Variants in RNF17 observed in about 807,000 individuals in gnomAD.
RNF17 encodes the protein ring finger protein 17.
In RNF17, 31 loss-of-function variants were observed where a neutral mutation model predicts 200.5. The observed-to-expected ratio is 0.15, with a 90% CI of 0.12 to 0.21. The LOEUF (loss-of-function observed/expected upper bound fraction) is 0.21. RNF17 is among the 10% of genes least tolerant of loss of function. The pLI, the probability that RNF17 is intolerant of heterozygous loss-of-function variation, is 1.00. For missense variants in RNF17, 1,628 were observed against 1,905.1 expected (o/e 0.85, Z 2.71); for synonymous variants, 606 against 637.8 (o/e 0.95, Z 0.75).
chr13:24,831,960 A>G lies in RNF17; in HGVS notation c.2464A>G (p.Met822Val), dbSNP rs2138032348. 6.3e-7 allele frequency: 1 copy of G among 1,585,936 alleles called. No homozygotes were observed. Among genetic ancestry groups the G allele is most frequent in the South Asian group, 1.1e-5 (1 of 88,582 alleles). Residue 822 changes from methionine (M) to valine (V), a missense_variant, in exon 18 of 36, where the codon ATG becomes GTG. Met to Val is a conservative substitution (Grantham distance 21). Around this residue, in one of 5 missense-constraint regions of RNF17, gnomAD observed 227 missense variants for 319.8 expected, o/e 0.71. Coordinates refer to ENST00000255324, the MANE Select transcript of RNF17 (RefSeq NM_031277.3). ...TGAAGAAAAGGCTCAAGATAAATTT[A>G]TGACATGTTCAGTTATCAGTAAGTT... ...KFEEKAQDKF[M>V]TCSVIKILED...
chr13:24,757,894 A>G, the RNF17 span, among the ~76,000 whole-genome samples: 3 of 152,020 alleles, frequency 2.0e-5, no homozygotes, highest in South Asian at 2.1e-4. Context: ...GTAATCCCCA[A>G]TGTTGGAGGT....
At chr13:24,878,979 T>TG (rs1895150629) in intron 34 of RNF17, among the ~76,000 whole-genome samples, 1 of 152,034 alleles carries the variant, frequency 6.6e-6, no homozygotes, top group Admixed American at 6.5e-5. Flanking sequence ...AGGAAGACCT[T>TG]GTGAGAAGGA....
rs988275025 is a variant in RNF17, at chr13:24,842,058, G to A, written c.2500G>A (p.Val834Met). 1.8e-5 allele frequency: 29 copies of A among 1,607,340 alleles called. No homozygotes were observed. Among genetic ancestry groups the A allele is most frequent in the Non-Finnish European group, 2.3e-5 (27 of 1,177,550 alleles). The part of the protein sequence containing the change: ...CSVIKILEDN[V>M]LLVELFDSLG... Reference sequence around the variant, plus strand: ...TTTTACAGAAATTCTGGAAGATAATGTGCTCTTAGTTGAGCTTTTCGATTC... The same window carrying A: ...TTTTACAGAAATTCTGGAAGATAATATGCTCTTAGTTGAGCTTTTCGATTC... Residue 834 changes from valine to methionine, a missense_variant, in exon 19 of 36, where the codon GTG becomes ATG. Physicochemically the swap from Val to Met is conservative, Grantham distance 21. Around this residue, in one of 5 missense-constraint regions of RNF17, gnomAD observed 227 missense variants for 319.8 expected, o/e 0.71. Transcript: ENST00000255324.
At chr13:24,852,136 CTTTT>C (rs542414882) in intron 24 of RNF17, among the ~76,000 whole-genome samples, 4 of 123,386 alleles carry the variant, frequency 3.2e-5, no homozygotes, top group Admixed American at 2.6e-4. Context: ...CTCTCTCTCT[CTTTT>C]TTTTTTTTTT....
chr13:24,828,667 G>A (rs1889028708), intron 16 of RNF17, among the ~76,000 whole-genome samples: 1 of 151,618 alleles, frequency 6.6e-6, no homozygotes, highest in African/African-American at 2.4e-5. Context: ...AAGCCATAAA[G>A]TATACTTTTT....
rs756587229 is a variant in RNF17, at chr13:24,799,386, ATTAT to A, written c.1400-5_1400-2del. The A allele has an allele frequency of 1.2e-5, 19 of 1,592,064 alleles. No homozygotes were observed. Among genetic ancestry groups the A allele is most frequent in the Non-Finnish European group, 1.5e-5 (17 of 1,168,006 alleles). ...ATGTTTATAACGATTTGTTTCCCTC[ATTAT>A]TTAGGTGCAAGAATATTTGTCAGCA... is the stretch of plus-strand genomic sequence containing the variant. On this transcript the variant is annotated splice_polypyrimidine_tract_variant and splice_region_variant and intron_variant, in intron 11 of 35. Transcript: ENST00000255324.
chr13:24,886,466 A>C, the RNF17 span: 3 of 676,288 alleles, frequency 4.4e-6, no homozygotes, highest in Non-Finnish European at 7.0e-6. Context: ...CAGCAATTTC[A>C]TATGATTCAA....
intron 32 of RNF17, among the ~76,000 whole-genome samples, chr13:24,872,297 CTT>C: frequency 6.6e-6 from 1 of 152,224 alleles, no homozygotes; most frequent in South Asian, 2.1e-4. Context: ...GTCTATAACT[CTT>C]TAATTAAAAT....
At chr13:24,778,446 C>A in intron 4 of RNF17, 40 bp downstream of exon 4, 1 of 1,315,702 alleles carries the variant, frequency 7.6e-7, no homozygotes, top group Non-Finnish European at 1.1e-6. Flanking sequence ...TGAAGGCAAA[C>A]GTTTGACTTT....
intron 17 of RNF17, 134 bp downstream of exon 17, chr13:24,830,733 G>T (rs1889293535): frequency 1.5e-6 from 1 of 660,432 alleles, no homozygotes; most frequent in Admixed American, 3.0e-5. Context: ...ATAGATAAAT[G>T]TTGCTGTGGT....
At chr13:24,859,987 A>G (rs1363692527) in intron 26 of RNF17, among the ~76,000 whole-genome samples, 15 of 152,054 alleles carry the variant, frequency 9.9e-5, no homozygotes, top group Non-Finnish European at 2.2e-4. Flanking sequence ...TTAATATCCA[A>G]GCATCTGATT....
intron 15 of RNF17, chr13:24,824,178 C>G: frequency 4.2e-6 from 3 of 710,784 alleles, no homozygotes; most frequent in Non-Finnish European, 7.8e-6. Context: ...TTACTGTAAA[C>G]TTTGGATTGC....
At position 24,778,282 on chromosome 13, in the gene RNF17, T is replaced by C; in HGVS notation, c.318-13T>C. 1 of 1,520,264 alleles carries C rather than the reference T, an allele frequency of 6.6e-7. No homozygotes were observed. 94.2% of individuals were successfully genotyped at this position (1,520,264 alleles called of 1,614,324 possible). A position where few individuals can be genotyped will look rare whatever the true frequency, so the allele number is the denominator to read the frequency against. On this transcript the variant is annotated splice_polypyrimidine_tract_variant and intron_variant, in intron 3 of 35. Coordinates refer to ENST00000255324, the MANE Select transcript of RNF17 (RefSeq NM_031277.3). ...GTCACAAAAAATAAAATAATATACT[T>C]GATACTTTTCAGGATAAAGAATTGT...
At chr13:24,852,386 C>T (rs1892032335) in intron 24 of RNF17, among the ~76,000 whole-genome samples, 1 of 152,120 alleles carries the variant, frequency 6.6e-6, no homozygotes, top group Non-Finnish European at 1.5e-5. Flanking sequence ...GATCTGCCCG[C>T]CTTGGCCTCC....
chr13:24,801,842 C>G (rs1438528414), intron 13 of RNF17, among the ~76,000 whole-genome samples: 1 of 152,012 alleles, frequency 6.6e-6, no homozygotes, highest in Non-Finnish European at 1.5e-5. Context: ...TTCTTTATAA[C>G]CTTCATATTA....
chr13:24,769,437 C>G (rs1257604713), intron 2 of RNF17, among the ~76,000 whole-genome samples: 1 of 152,152 alleles, frequency 6.6e-6, no homozygotes, highest in Non-Finnish European at 1.5e-5. Flanking sequence ...CTACTGTTAG[C>G]CGAGGTAATT....
intron 18 of RNF17, among the ~76,000 whole-genome samples, chr13:24,840,829 C>T (rs961772582): frequency 6.6e-6 from 1 of 152,140 alleles, no homozygotes; most frequent in African/African-American, 2.4e-5. Context: ...TCACAAGTCA[C>T]CGCTAAAGAA....
intron 15 of RNF17, among the ~76,000 whole-genome samples, chr13:24,816,327 A>G (rs568554619): frequency 4.4e-4 from 67 of 152,318 alleles, no homozygotes; most frequent in South Asian, 3.3e-3. Flanking sequence ...TAGGCCTAAC[A>G]TAAGTTGTTT....
chr13:24,887,596 G>A, the RNF17 span, among the ~76,000 whole-genome samples: 3 of 152,154 alleles, frequency 2.0e-5, no homozygotes, highest in Admixed American at 2.0e-4. Flanking sequence ...CTAATTGCAG[G>A]AAAACAAGCT....
Sources: gnomAD v4.1 joint callset for allele counts (sites outside exome capture counted in the v4.1 genomes callset) on GRCh38, gnomAD v4.1.1 for gene constraint, gnomAD v4.1.1 regional missense constraint, MANE v1.5 for transcripts, NCBI Gene and HGNC (gene_info 2026-07-23, HGNC 2026-07-21) for gene names.